The following ZNF652 variants were observed in gnomAD, a reference collection of about 807,000 sequenced individuals.
The protein encoded by ZNF652 is zinc finger protein 652.
ZNF652 carries 16 observed loss-of-function variants against 45.2 expected under a neutral mutation model. The ratio of observed to expected loss-of-function variants is 0.35; its 90% CI spans 0.24 to 0.54. The LOEUF (loss-of-function observed/expected upper bound fraction) is 0.54. Ranked by LOEUF, ZNF652 falls within the 20% of genes least tolerant of loss-of-function variation. The probability of loss-of-function intolerance (pLI) is 0.91; values close to 1 mark genes in which losing one functional copy is unlikely to be tolerated. For missense variants in ZNF652, 614 were observed against 765.6 expected, an observed-to-expected ratio of 0.80 and a Z score of 2.34; for synonymous variants, 250 against 260.6, an observed-to-expected ratio of 0.96 and a Z score of 0.39.
chr17:49,310,713 G>A (rs1326866835), intron 5 of ZNF652, among the ~76,000 whole-genome samples: 1 of 152,084 alleles, frequency 6.6e-6, no homozygotes, highest in Admixed American at 6.6e-5. Context: ...ACCAGCCTGG[G>A]CAACATGGTG....
At chr17:49,351,007 A>ATG (rs1567700210) in intron 1 of ZNF652, among the ~76,000 whole-genome samples, 12 of 21,444 alleles carry the variant, frequency 5.6e-4, no homozygotes, top group African/African-American at 3.0e-3. Context: ...ATATATATAT[A>ATG]TATATATACA....
rs779042339 is a variant in ZNF652, at chr17:49,303,247, C to CTTTTTTTTTTTTTTTTTTT, written c.1310-4324_1310-4323insAAAAAAAAAAAAAAAAAAA. ...GTGATGTTTTATTCTTTACGCTTAT[C>CTTTTTTTTTTTTTTTTTTT]TTTTTTTTTTTGAGACAGGGTCTCA... is the stretch of plus-strand genomic sequence containing the variant. On this transcript the variant is annotated intron_variant, in intron 5 of 5. Coordinates refer to ENST00000430262, the MANE Select transcript of ZNF652 (RefSeq NM_001145365.3). Among the ~76,000 whole-genome samples the CTTTTTTTTTTTTTTTTTTT allele has an allele frequency of 2.5e-4, 30 of 121,776 alleles. 1 individual carries two copies. Among genetic ancestry groups the CTTTTTTTTTTTTTTTTTTT allele is most frequent in the African/African-American group, 4.0e-4 (12 of 30,166 alleles). 79.9% of individuals were successfully genotyped at this position (121,776 alleles called of 152,430 possible).
At chr17:49,354,365 A>G (rs1219555476) in intron 1 of ZNF652, among the ~76,000 whole-genome samples, 3 of 152,138 alleles carry the variant, frequency 2.0e-5, no homozygotes, top group Non-Finnish European at 4.4e-5. Flanking sequence ...TCTGCTGTGT[A>G]ATATATAAAA....
At chr17:49,336,937 A>G (rs1377025399) in intron 1 of ZNF652, among the ~76,000 whole-genome samples, 2 of 111,762 alleles carry the variant, frequency 1.8e-5, no homozygotes, top group African/African-American at 3.5e-5. Context: ...ACTTTTCTTA[A>G]TGGTGTTTTT....
intron 1 of ZNF652, among the ~76,000 whole-genome samples, chr17:49,344,027 T>C (rs1471005399): frequency 6.6e-6 from 1 of 151,730 alleles, no homozygotes; most frequent in African/African-American, 2.4e-5. Context: ...TGAAACCCCG[T>C]CTCTACTAAA....
chr17:49,337,864 C>T (rs2070102721), intron 1 of ZNF652, among the ~76,000 whole-genome samples: 1 of 152,076 alleles, frequency 6.6e-6, no homozygotes, highest in Non-Finnish European at 1.5e-5. Flanking sequence ...TACCAAGAGG[C>T]TAATATAAAG....
chr17:49,355,412 G>A (rs1335378202), intron 1 of ZNF652, among the ~76,000 whole-genome samples: 1 of 150,712 alleles, frequency 6.6e-6, no homozygotes, highest in Non-Finnish European at 1.5e-5. Flanking sequence ...ACATAGTGAG[G>A]GAAAAAATAC....
chr17:49,361,603 C>T (rs1426938714), intron 1 of ZNF652, among the ~76,000 whole-genome samples: 2 of 152,190 alleles, frequency 1.3e-5, no homozygotes, highest in African/African-American at 4.8e-5. Context: ...GCCGCCCCAG[C>T]CTCCCCTCAG....
intron 1 of ZNF652, chr17:49,361,280 C>T (rs2070389662): frequency 6.6e-6 from 1 of 152,036 alleles, no homozygotes; most frequent in Non-Finnish European, 1.5e-5. Context: ...GAACATGTTA[C>T]GTGGAGATGT....
At position 49,298,246 on chromosome 17, in the gene ZNF652, G is replaced by T; in HGVS notation, c.*167C>A. On this transcript the variant is annotated 3_prime_UTR_variant, in exon 6 of 6. Coordinates refer to ENST00000430262, the MANE Select transcript of ZNF652 (RefSeq NM_001145365.3). ...ATGACAGTCCCTCTGTGAGCTCAAG[G>T]TAGTCTTCTTGTTCATTCCCTTGGA... 1.2e-6 allele frequency: 1 copy of T among 836,356 alleles called. No individual in the cohort carries two copies. The highest frequency in any genetic ancestry group is 1.8e-6 in the Non-Finnish European group (1 of 553,068). The allele number at this position is 836,356 out of a possible 1,614,324, so 51.8% of individuals were successfully genotyped here. A position where few individuals can be genotyped will look rare whatever the true frequency, so the allele number is the denominator to read the frequency against.
chr17:49,319,320 G>C (rs1273152757), intron 1 of ZNF652, among the ~76,000 whole-genome samples: 1 of 151,990 alleles, frequency 6.6e-6, no homozygotes, highest in Non-Finnish European at 1.5e-5. Flanking sequence ...CAAAACTGTG[G>C]GGTTGAATTT....
chr17:49,334,131 T>C (rs77247327), intron 1 of ZNF652, among the ~76,000 whole-genome samples: 8,591 of 152,206 alleles, frequency 0.056, 333 homozygotes, highest in Middle Eastern at 0.15. Flanking sequence ...ATACATCAAC[T>C]GATGAGTGGA....
chr17:49,317,293 G>C lies in ZNF652; in HGVS notation c.433C>G (p.Pro145Ala). The change falls in exon 2 of 6, where the codon CCT becomes GCT. Residue 145 changes from proline to alanine, a missense_variant. Coordinates refer to ENST00000430262, the MANE Select transcript of ZNF652 (RefSeq NM_001145365.3). ...KGVSSQSKET[P>A]VLKTSSEEEE... Reference sequence around the variant, plus strand: ...TCCTCACTGCTTGTCTTAAGAACAGGAGTCTCTTTGGACTGAGAAGAGACA... The same window carrying C: ...TCCTCACTGCTTGTCTTAAGAACAGCAGTCTCTTTGGACTGAGAAGAGACA... The C allele has an allele frequency of 6.2e-7, 1 of 1,612,736 alleles. No individual in the cohort carries two copies. The highest frequency in any genetic ancestry group is 8.5e-7 in the Non-Finnish European group (1 of 1,179,996).
intron 5 of ZNF652, among the ~76,000 whole-genome samples, chr17:49,304,055 A>AC (rs772879993): frequency 8.5e-6 from 1 of 117,422 alleles, no homozygotes; most frequent in Non-Finnish European, 1.7e-5. Context: ...TGCCTGGCTA[A>AC]TTTTTTTTTT....
chr17:49,350,971 A>G (rs1005882795), intron 1 of ZNF652, among the ~76,000 whole-genome samples: 3 of 14,264 alleles, frequency 2.1e-4, no homozygotes, highest in African/African-American at 3.6e-4. Context: ...CTCTGTCTAC[A>G]TATATATATA....
At chr17:49,299,674 C>G (rs989323360) in intron 5 of ZNF652, among the ~76,000 whole-genome samples, 1 of 152,020 alleles carries the variant, frequency 6.6e-6, no homozygotes, top group Non-Finnish European at 1.5e-5. Context: ...AGCCACTGCG[C>G]CTGGCTGCAA....
chr17:49,345,710 G>C (rs2143056376), intron 1 of ZNF652, among the ~76,000 whole-genome samples: 1 of 151,308 alleles, frequency 6.6e-6, no homozygotes, highest in East Asian at 2.0e-4. Flanking sequence ...GCGTGGTGGT[G>C]GGTGCCTATA....
At chr17:49,316,378 C>T (rs954767582) in intron 2 of ZNF652, among the ~76,000 whole-genome samples, 22 of 152,168 alleles carry the variant, frequency 1.4e-4, no homozygotes, top group African/African-American at 3.9e-4. Flanking sequence ...CCATTTCCAC[C>T]GGTCTGAGTC....
chr17:49,356,994 T>A (rs1253797288), intron 1 of ZNF652, among the ~76,000 whole-genome samples: 4 of 149,442 alleles, frequency 2.7e-5, no homozygotes, highest in African/African-American at 9.8e-5. Flanking sequence ...TTGAACTATG[T>A]TTTAAAAAAA....
Sources: allele counts gnomAD v4.1 joint callset (sites outside exome capture counted in the v4.1 genomes callset), GRCh38; gene constraint gnomAD v4.1.1; transcripts MANE v1.5; gene names NCBI Gene and HGNC (gene_info 2026-07-23, HGNC 2026-07-21).